The following CARD10 variants were observed in gnomAD, a reference collection of about 807,000 sequenced individuals.
The protein encoded by CARD10 is caspase recruitment domain family member 10, also known as caspase recruitment domain-containing protein 10.
In CARD10, 49 loss-of-function variants were observed where a neutral mutation model predicts 114.6. The ratio of observed to expected loss-of-function variants is 0.43; its 90% CI spans 0.34 to 0.54. The LOEUF (loss-of-function observed/expected upper bound fraction) is 0.54. CARD10 is among the 20% of genes least tolerant of loss of function. CARD10 has a pLI of 0.03. For synonymous variants in CARD10, 602 were observed against 593.2 expected, an observed-to-expected ratio of 1.01 and a Z score of -0.21; for missense variants, 1,206 against 1,397.2, an observed-to-expected ratio of 0.86 and a Z score of 2.18.
At chr22:37,515,875 A>AGCCAGCAAT in intron 3 of CARD10, 98 bp downstream of exon 3, 1 of 959,928 alleles carries the variant, frequency 1.0e-6, no homozygotes. Flanking sequence ...CACGTCAAAG[A>AGCCAGCAAT]GCCAGCAATG....
chr22:37,509,859 C>A (rs4999983), intron 4 of CARD10, among the ~76,000 whole-genome samples: 1 of 44,808 alleles, frequency 2.2e-5, no homozygotes, highest in East Asian at 9.4e-4. Flanking sequence ...TGGTACCTAC[C>A]GCAGGCCCTC....
intron 14 of CARD10, 48 bp from the exon 15 acceptor site, chr22:37,495,634 C>T: frequency 6.2e-7 from 1 of 1,609,768 alleles, no homozygotes; most frequent in Non-Finnish European, 8.5e-7. Flanking sequence ...GAAAGCTCCT[C>T]ATTTCTCCTC....
At chr22:37,506,108 C>T in intron 7 of CARD10, 84 bp downstream of exon 7, 1 of 1,127,326 alleles carries the variant, frequency 8.9e-7, no homozygotes. Flanking sequence ...CCCACCAGGG[C>T]CGGCACGTTC....
rs1169703803 is a variant in CARD10, at chr22:37,490,491, AG to A, written c.*667del. ...CCTCGGCCCCCCAAGAGGGAGGCAT[AG>A]GCAGGGAGTGGGCCCTGTGAGGCAC... On this transcript the variant is annotated 3_prime_UTR_variant, in exon 20 of 20. Transcript: ENST00000251973. The A allele has an allele frequency of 6.6e-6, 1 of 152,298 alleles. No homozygotes were observed. The highest frequency in any genetic ancestry group is 2.4e-5 in the African/African-American group (1 of 41,466). The allele number at this position is 152,298 out of a possible 1,614,324, so 9.4% of individuals were successfully genotyped here. A position where few individuals can be genotyped will look rare whatever the true frequency, so the allele number is the denominator to read the frequency against.
At chr22:37,506,434 C>G in intron 6 of CARD10, 51 bp from the exon 7 acceptor site, 1 of 1,396,494 alleles carries the variant, frequency 7.2e-7, no homozygotes, top group Middle Eastern at 1.8e-4. Context: ...CTTGGCCCAG[C>G]TTTCCTGGCC....
chr22:37,493,586 C>T (rs1922884376), intron 16 of CARD10, among the ~76,000 whole-genome samples: 1 of 152,136 alleles, frequency 6.6e-6, no homozygotes, highest in Non-Finnish European at 1.5e-5. Context: ...CTGGAACGAA[C>T]TCCTCTTTAA....
intron 19 of CARD10, 80 bp from the exon 20 acceptor site, chr22:37,491,473 G>A: frequency 1.9e-6 from 2 of 1,034,168 alleles, no homozygotes; most frequent in East Asian, 2.8e-5. Flanking sequence ...ACAGACAAAG[G>A]GGGAAGAGTC....
At chr22:37,493,215 CG>C (rs1330383765) in intron 16 of CARD10, among the ~76,000 whole-genome samples, 1 of 152,174 alleles carries the variant, frequency 6.6e-6, no homozygotes, top group Admixed American at 6.5e-5. Flanking sequence ...CCTTCAGCTG[CG>C]TCCAACCACA....
intron 11 of CARD10, among the ~76,000 whole-genome samples, chr22:37,497,809 G>A (rs561004317): frequency 2.0e-5 from 3 of 150,490 alleles, no homozygotes; most frequent in Admixed American, 6.6e-5. Context: ...AGCCGAGATC[G>A]AGCCACTGCA....
chr22:37,509,514 C>T (rs1278417094), intron 4 of CARD10, among the ~76,000 whole-genome samples: 1 of 152,074 alleles, frequency 6.6e-6, no homozygotes, highest in Non-Finnish European at 1.5e-5. Context: ...CTGAAATCCT[C>T]AGCTTCCCAG....
chr22:37,491,492 A>G, intron 19 of CARD10, 99 bp from the exon 20 acceptor site: 3 of 731,058 alleles, frequency 4.1e-6, no homozygotes, highest in Non-Finnish European at 5.8e-6. Context: ...TCAGAGAGAG[A>G]AGATGGACAA....
chr22:37,511,436 TAGAAGGAGAAGGAGGAGGAGG>T (rs1370282954), intron 3 of CARD10, among the ~76,000 whole-genome samples: 2 of 56,950 alleles, frequency 3.5e-5, no homozygotes, highest in African/African-American at 1.9e-4. Flanking sequence ...GGGGAAGAGG[TAGAAGGAGAAGGAGGAGGAGG>T]AGAAGGAGAA....
At chr22:37,495,074 C>T (rs1237090666) in intron 15 of CARD10, among the ~76,000 whole-genome samples, 2 of 152,114 alleles carry the variant, frequency 1.3e-5, no homozygotes, top group African/African-American at 2.4e-5. Context: ...TTCATTCTCC[C>T]GCCTCAGCCT....
intron 7 of CARD10, among the ~76,000 whole-genome samples, chr22:37,505,316 A>G (rs1569165172): frequency 2.6e-5 from 4 of 152,050 alleles, no homozygotes; most frequent in Admixed American, 2.0e-4. Context: ...GACTTTTCCT[A>G]TATTCCTCCA....
intron 16 of CARD10, 29 bp downstream of exon 16, chr22:37,494,057 G>A (rs571929988): frequency 2.1e-5 from 31 of 1,462,044 alleles, no homozygotes; most frequent in South Asian, 1.2e-4. Flanking sequence ...GGAGCAACAC[G>A]GGATACAGCT....
chr22:37,493,793 G>A (rs1035451284), intron 16 of CARD10, among the ~76,000 whole-genome samples: 31 of 152,258 alleles, frequency 2.0e-4, no homozygotes, highest in African/African-American at 7.2e-4. Context: ...CGTGTGAGAA[G>A]CACCACTACA....
intron 3 of CARD10, among the ~76,000 whole-genome samples, chr22:37,513,709 T>C (rs1923739309): frequency 6.6e-6 from 1 of 152,050 alleles, no homozygotes; most frequent in Non-Finnish European, 1.5e-5. Flanking sequence ...GCCCCATGTC[T>C]GTTTCAGAAA....
At chr22:37,495,377 A>T (rs565595208) in intron 15 of CARD10, 140 bp downstream of exon 15, 2 of 669,552 alleles carry the variant, frequency 3.0e-6, no homozygotes, top group African/African-American at 3.6e-5. Context: ...TTTGCTGGGC[A>T]CATAGTAGAT....
intron 2 of CARD10, among the ~76,000 whole-genome samples, chr22:37,517,131 G>A (rs907363832): frequency 1.6e-4 from 24 of 152,112 alleles, no homozygotes; most frequent in African/African-American, 5.3e-4. Flanking sequence ...TTCCCGTATC[G>A]TTGTAATAAT....
Sources: allele counts gnomAD v4.1 joint callset (sites outside exome capture counted in the v4.1 genomes callset), GRCh38; gene constraint gnomAD v4.1.1; transcripts MANE v1.5; gene names NCBI Gene and HGNC (gene_info 2026-07-23, HGNC 2026-07-21).